The following WBP2NL variants were observed in gnomAD, a reference collection of about 807,000 sequenced individuals.
WBP2NL encodes the protein postacrosomal sheath WW domain-binding protein.
Under a neutral mutation model 23.3 loss-of-function variants are expected in WBP2NL, and 27 were observed. The ratio of observed to expected loss-of-function variants is 1.16; its 90% CI spans 0.85 to 1.60. The LOEUF (loss-of-function observed/expected upper bound fraction) is 1.60, where lower values mean the gene tolerates loss of function less well. Ranked by LOEUF, WBP2NL falls within the 40% of genes most tolerant of loss-of-function variation. The probability of loss-of-function intolerance (pLI) is 0.00; values close to 1 mark genes in which losing one functional copy is unlikely to be tolerated. For missense variants in WBP2NL, 370 were observed against 389.5 expected (o/e 0.95, Z 0.42); for synonymous variants, 151 against 145.9 (o/e 1.03, Z -0.25).
intron 8 of WBP2NL, among the ~76,000 whole-genome samples, chr22:42,038,393 A>G (rs1051736925): frequency 6.6e-5 from 10 of 152,014 alleles, no homozygotes; most frequent in African/African-American, 2.4e-4. Context: ...TTTATTAACG[A>G]TTTTTGCATT....
intron 1 of WBP2NL, among the ~76,000 whole-genome samples, chr22:42,008,035 C>T (rs1042897035): frequency 7.9e-5 from 12 of 152,028 alleles, no homozygotes; most frequent in Non-Finnish European, 1.6e-4. Flanking sequence ...CACAAGAGTT[C>T]CGGTTTCTCC....
intron 1 of WBP2NL, among the ~76,000 whole-genome samples, chr22:42,017,965 A>G (rs986538505): frequency 3.3e-5 from 5 of 152,076 alleles, no homozygotes; most frequent in Admixed American, 6.6e-5. Flanking sequence ...CCTGGCCAAC[A>G]TGGTGAAACC....
chr22:42,032,691 G>T (rs1925025843), downstream of WBP2NL: 1 of 459,234 alleles, frequency 2.2e-6, no homozygotes, highest in Non-Finnish European at 4.5e-6. Context: ...TTTGCCTTGA[G>T]AGTCTTCTGG....
intron 1 of WBP2NL, chr22:42,001,785 A>G: frequency 8.3e-7 from 1 of 1,211,412 alleles, no homozygotes; most frequent in South Asian, 1.3e-5. Flanking sequence ...CTCCTTGGGA[A>G]TACAGACCAT....
At chr22:42,036,474 A>G (rs1318845718), downstream of WBP2NL, among the ~76,000 whole-genome samples, 1 of 152,114 alleles carries the variant, frequency 6.6e-6, no homozygotes, top group Non-Finnish European at 1.5e-5. Context: ...GTGCCCGGCC[A>G]TGTGTTCTAT....
chr22:42,010,603 A>G (rs922287591), intron 1 of WBP2NL, among the ~76,000 whole-genome samples: 3 of 152,102 alleles, frequency 2.0e-5, no homozygotes, highest in African/African-American at 7.2e-5. Flanking sequence ...CAGTGGCGCA[A>G]TCTCGGCTCA....
rs201437678 is a variant in WBP2NL, at chr22:42,020,022, C to T, written c.332C>T (p.Ala111Val). The change falls in exon 4 of 6, where the codon GCT becomes GTT. Residue 111 changes from alanine to valine, a missense_variant. Coordinates refer to ENST00000328823, the MANE Select transcript of WBP2NL (RefSeq NM_152613.3). ...CCCCCAGGTGGCTGGGAAGGACAAG[C>T]TACTTTTAAATTAGTCTTCAGAAAT... ...AAPYGGWEGQ[A>V]TFKLVFRNGD... The T allele has an allele frequency of 8.7e-5, 141 of 1,613,870 alleles. No homozygotes were observed. The highest frequency in any genetic ancestry group is 1.9e-5 in the Non-Finnish European group (23 of 1,179,964).
chr22:42,057,895 ATATATATTTTTTTTTTTTTTTTTTTT>A (rs1311223405), intron 8 of WBP2NL, among the ~76,000 whole-genome samples: 2 of 22,540 alleles, frequency 8.9e-5, no homozygotes, highest in Non-Finnish European at 1.5e-4. Flanking sequence ...ATATATATAT[ATATATATTTTTTTTTTTTTTTTTTTT>A]TTTTTTTTTT....
Position 42,027,324 on chromosome 22 carries a change from G to A in WBP2NL, c.*143G>A. On this transcript the variant is annotated 3_prime_UTR_variant, in exon 6 of 6. Coordinates refer to ENST00000328823, the MANE Select transcript of WBP2NL (RefSeq NM_152613.3). ...ACCCTTTGGAAGGGCAATCTTATGG[G>A]GGAAGGTGAAACTTTACTTCTGTGC... The A allele has an allele frequency of 9.4e-7, 1 of 1,069,390 alleles. No individual in the cohort carries two copies. Among genetic ancestry groups the A allele is most frequent in the African/African-American group, 1.6e-5 (1 of 62,748 alleles). The allele number at this position is 1,069,390 out of a possible 1,614,324, so 66.2% of individuals were successfully genotyped here.
Position 42,019,749 on chromosome 22 carries a change from C to A in WBP2NL, c.259C>A (p.Gln87Lys). The A allele has an allele frequency of 6.2e-7, 1 of 1,614,194 alleles. No individual in the cohort carries two copies. Among genetic ancestry groups the A allele is most frequent in the Non-Finnish European group, 8.5e-7 (1 of 1,180,032 alleles). ...FDLMTNLTVE[Q>K]PVFAANFIKG... The stretch of plus-strand genomic sequence containing the variant: ...TCTGATGACGAACCTCACTGTTGAA[C>A]AACCAGTATTTGCTGCAAACTTCAT... Residue 87 changes from glutamine to lysine, a missense_variant, in exon 3 of 6, where the codon CAA becomes AAA. By Grantham distance (53) the Gln-to-Lys change is moderately conservative. Coordinates refer to ENST00000328823, the MANE Select transcript of WBP2NL (RefSeq NM_152613.3).
chr22:42,005,528 T>C (rs1340207839), intron 1 of WBP2NL, among the ~76,000 whole-genome samples: 2 of 152,068 alleles, frequency 1.3e-5, no homozygotes, highest in Non-Finnish European at 2.9e-5. Flanking sequence ...CAAAAATAAA[T>C]AAATAAATAG....
intron 8 of WBP2NL, among the ~76,000 whole-genome samples, chr22:42,051,875 G>A (rs1400392271): frequency 1.3e-5 from 2 of 152,162 alleles, no homozygotes; most frequent in Non-Finnish European, 2.9e-5. Context: ...ATCCCATGAG[G>A]TAGGAACTAT....
At chr22:42,014,788 C>A (rs1171324908) in intron 1 of WBP2NL, among the ~76,000 whole-genome samples, 1 of 152,214 alleles carries the variant, frequency 6.6e-6, no homozygotes, top group Non-Finnish European at 1.5e-5. Context: ...GTCTTCAACT[C>A]TAGAATTTCT....
intron 8 of WBP2NL, among the ~76,000 whole-genome samples, chr22:42,042,963 G>A (rs1925449895): frequency 6.7e-6 from 1 of 150,142 alleles, no homozygotes; most frequent in Admixed American, 6.7e-5. Context: ...TACTCAGGAG[G>A]CTAAGGTAGG....
At chr22:42,009,378 G>A (rs1922599380) in intron 1 of WBP2NL, among the ~76,000 whole-genome samples, 1 of 152,012 alleles carries the variant, frequency 6.6e-6, no homozygotes, top group Non-Finnish European at 1.5e-5. Context: ...TATCCAAGAA[G>A]TCATTGACAA....
rs1292395641 is a variant in WBP2NL at position 42,009,751 on chromosome 22, C to A, written c.63-9560C>A. Among the ~76,000 whole-genome samples, 3 of 152,156 alleles carry A rather than the reference C, an allele frequency of 2.0e-5. No individual in the cohort carries two copies. In the South Asian group the frequency reaches 6.2e-4, roughly 32 times the overall value. On this transcript the variant is annotated intron_variant, in intron 1 of 5. Coordinates refer to ENST00000328823, the MANE Select transcript of WBP2NL (RefSeq NM_152613.3). ...TACTTTGAAATCAGGAAGTGTGAATCCTCTTTGTTCTTCTTTTTAAAAATT... is the reference window on the plus strand; with the variant it reads ...TACTTTGAAATCAGGAAGTGTGAATACTCTTTGTTCTTCTTTTTAAAAATT...
intron 1 of WBP2NL, among the ~76,000 whole-genome samples, chr22:42,017,915 G>A (rs1176816796): frequency 2.6e-5 from 4 of 152,132 alleles, no homozygotes; most frequent in Non-Finnish European, 2.9e-5. Flanking sequence ...TTGGGAGGTC[G>A]AGGCGGGCGG....
intron 5 of WBP2NL, among the ~76,000 whole-genome samples, chr22:42,023,317 G>C (rs1043380211): frequency 1.3e-5 from 2 of 151,574 alleles, no homozygotes; most frequent in African/African-American, 4.8e-5. Context: ...CCCCCAACCA[G>C]AGTAGGCTAG....
chr22:42,057,222 CTTGT>C (rs905864272), intron 8 of WBP2NL, among the ~76,000 whole-genome samples: 12 of 152,228 alleles, frequency 7.9e-5, no homozygotes, highest in African/African-American at 2.6e-4. Flanking sequence ...GTTCTTCATT[CTTGT>C]TTCTTTCTTT....
Sources: allele counts gnomAD v4.1 joint callset (sites outside exome capture counted in the v4.1 genomes callset), GRCh38; gene constraint gnomAD v4.1.1; transcripts MANE v1.5; gene names NCBI Gene and HGNC (gene_info 2026-07-23, HGNC 2026-07-21).